Variants in ACE observed in about 807,000 individuals in gnomAD.
The protein encoded by ACE is angiotensin I converting enzyme.
ACE carries 122 observed loss-of-function variants against 162.3 expected under a neutral mutation model. The observed-to-expected ratio is 0.75, with a 90% confidence interval of 0.65 to 0.87. The LOEUF is 0.87. Among genes scored for constraint, ACE ranks in the 40% least tolerant of loss-of-function variants. The pLI is 0.00. For missense variants in ACE, 1,799 were observed against 1,735.1 expected (o/e 1.04, Z -0.65); for synonymous variants, 796 against 720.6 (o/e 1.10, Z -1.68).
intron 7 of ACE, 146 bp downstream of exon 7, chr17:63,481,884 TA>T: frequency 2.0e-6 from 2 of 977,742 alleles, no homozygotes. Context: ...GTTCCAGGGC[TA>T]GGGGGTATAG....
rs756826166 is a variant in ACE, at chr17:63,493,604, T to A, written c.3081T>A (p.Ser1027=). Reference sequence around the variant, plus strand: ...GGGACGTGCTAGCCCTCTCAGTGTCTACGCCCAAGCACCTGCACAGTCTCA... The same window carrying A: ...GGGACGTGCTAGCCCTCTCAGTGTCAACGCCCAAGCACCTGCACAGTCTCA... ...AIGDVLALSV[S]TPKHLHSLNL... is the part of the protein sequence containing the mutation. The change falls in exon 20 of 25, where the codon TCT becomes TCA. Residue 1027 remains serine, a synonymous_variant. Coordinates refer to ENST00000290866, the MANE Select transcript of ACE (RefSeq NM_000789.4). 1 of 1,614,132 alleles carries A rather than the reference T, an allele frequency of 6.2e-7. No individual in the cohort carries two copies. Among genetic ancestry groups the A allele is most frequent in the Admixed American group, 1.7e-5 (1 of 60,018 alleles).
chr17:63,493,839 C>A, intron 20 of ACE, 83 bp from the exon 21 acceptor site: 3 of 1,601,300 alleles, frequency 1.9e-6, no homozygotes, highest in Non-Finnish European at 2.6e-6. Context: ...GGTACAGCAC[C>A]CCCACCCCTC....
intron 8 of ACE, 42 bp downstream of exon 8, chr17:63,482,731 C>A (rs771417414): frequency 6.3e-7 from 1 of 1,576,248 alleles, no homozygotes; most frequent in Non-Finnish European, 8.7e-7. Flanking sequence ...CTCACCTAAA[C>A]CCCGCTCCAC....
chr17:63,477,864 G>A (rs1770386055), intron 1 of ACE, 67 bp from the exon 2 acceptor site: 2 of 1,550,396 alleles, frequency 1.3e-6, no homozygotes, highest in Non-Finnish European at 1.7e-6. Context: ...CAGCACCGTG[G>A]CTTCTCCTTT....
chr17:63,478,745 G>A (rs2147526698), intron 2 of ACE: 2 of 557,272 alleles, frequency 3.6e-6, no homozygotes, highest in South Asian at 3.7e-5. Context: ...CCTCACTGCA[G>A]GGTGGTGCCA....
intron 21 of ACE, 135 bp from the exon 22 acceptor site, chr17:63,494,237 A>G: frequency 8.0e-7 from 1 of 1,257,484 alleles, no homozygotes; most frequent in South Asian, 1.3e-5. Context: ...GTGATTGTGC[A>G]CAGAGGCCCA....
chr17:63,489,222 A>C, intron 17 of ACE, 90 bp downstream of exon 17: 1 of 1,488,452 alleles, frequency 6.7e-7, no homozygotes, highest in Non-Finnish European at 9.1e-7. Flanking sequence ...GGTAGGGAGC[A>C]GGCTGGGGAC....
chr17:63,494,541 T>C, intron 22 of ACE, 71 bp downstream of exon 22: 3 of 1,370,784 alleles, frequency 2.2e-6, no homozygotes, highest in Non-Finnish European at 3.1e-6. Flanking sequence ...CTGCGGCCAC[T>C]GCCCGGTCCA....
At chr17:63,495,803 T>A (rs2030692785) in intron 22 of ACE, among the ~76,000 whole-genome samples, 1 of 152,218 alleles carries the variant, frequency 6.6e-6, no homozygotes, top group Non-Finnish European at 1.5e-5. Context: ...AAAGCACTTT[T>A]AGGAAAGACC....
Position 63,497,383 on chromosome 17 carries a change from CG to C in ACE, c.*19del. 3 of 1,545,336 alleles carry C rather than the reference CG, an allele frequency of 1.9e-6. No homozygotes were observed. The highest frequency in any genetic ancestry group is 2.6e-6 in the Non-Finnish European group (3 of 1,145,108). ...CACTCCTGAGGTGACCCGGCTGGGT[CG>C]GCCCTGCCCAAGGGCCTCCCACCAG... On this transcript the variant is annotated 3_prime_UTR_variant, in exon 25 of 25. Coordinates refer to ENST00000290866, the MANE Select transcript of ACE (RefSeq NM_000789.4).
chr17:63,482,939 C>CA lies in ACE; in HGVS notation c.1343-89dup. ...TACCTTCTCTGCATCTCCCTGGCCT[C>CA]ACTTTCTGCTGCCCCGCCAGCCCAC... On this transcript the variant is annotated intron_variant, in intron 8 of 24. Transcript: ENST00000290866. 2.1e-6 allele frequency: 3 copies of CA among 1,408,454 alleles called. No individual in the cohort carries two copies. The South Asian group carries it at 3.5e-5, about 16-fold the overall frequency. The allele number at this position is 1,408,454 out of a possible 1,614,324, so 87.2% of individuals were successfully genotyped here.
chr17:63,488,638 C>T lies in ACE; in HGVS notation c.2306-10C>T, dbSNP rs753548513. On this transcript the variant is annotated splice_polypyrimidine_tract_variant and intron_variant, in intron 15 of 24. Transcript: ENST00000290866. The stretch of plus-strand genomic sequence containing the variant: ...AGGGCTGGAGCTCAAGGCATTCAAA[C>T]CCCTACCAGATCTGACGAATGTGAT... 4.3e-6 allele frequency: 7 copies of T among 1,612,836 alleles called. No individual in the cohort carries two copies. In the South Asian group the frequency reaches 5.5e-5, roughly 13 times the overall value.
Position 63,483,230 on chromosome 17 carries a change from C to A in ACE, c.1487+57C>A, listed in dbSNP as rs1157139185. 37 of 1,611,380 alleles carry A rather than the reference C, an allele frequency of 2.3e-5. No homozygotes were observed. The East Asian group carries it at 8.0e-4, about 35-fold the overall frequency. ...AGCTAGCCCTCCCCAGCCTCCTGGA[C>A]AGCCAGGCGCCTCCTGCCCCAGCCA... On this transcript the variant is annotated intron_variant, in intron 9 of 24. Coordinates refer to ENST00000290866, the MANE Select transcript of ACE (RefSeq NM_000789.4).
chr17:63,493,635 C>T lies in ACE; in HGVS notation c.3112C>T (p.Leu1038=), dbSNP rs773367295. ...TPKHLHSLNL[L]SSEGGSDEHD... ...CAAGCACCTGCACAGTCTCAACCTGCTGAGCAGTGAGGGTGGCAGCGACGG... is the reference window on the plus strand; with the variant it reads ...CAAGCACCTGCACAGTCTCAACCTGTTGAGCAGTGAGGGTGGCAGCGACGG... Residue 1038 remains leucine, a synonymous_variant, in exon 20 of 25, where the codon CTG becomes TTG. Coordinates refer to ENST00000290866, the MANE Select transcript of ACE (RefSeq NM_000789.4). 21 of 1,613,998 alleles carry T rather than the reference C, an allele frequency of 1.3e-5. No individual in the cohort carries two copies. In the East Asian group the frequency reaches 4.5e-4, roughly 34 times the overall value.
At chr17:63,487,390 T>G (rs2030029416) in intron 15 of ACE, among the ~76,000 whole-genome samples, 1 of 152,052 alleles carries the variant, frequency 6.6e-6, no homozygotes, top group African/African-American at 2.4e-5. Flanking sequence ...GGGCTTGGAC[T>G]CCAAATGGGG....
chr17:63,477,227 G>C lies in ACE; in HGVS notation c.133G>C (p.Gly45Arg), dbSNP rs750712925. ...QPGNFSADEA[G>R]AQLFAQSYNS... Reference sequence around the variant, plus strand: ...CGGCAACTTTTCTGCTGACGAGGCCGGGGCGCAGCTCTTCGCGCAGAGCTA... The same window carrying C: ...CGGCAACTTTTCTGCTGACGAGGCCCGGGCGCAGCTCTTCGCGCAGAGCTA... Residue 45 changes from glycine to arginine, a missense_variant, in exon 1 of 25, where the codon GGG (glycine) becomes CGG (arginine). Transcript: ENST00000290866. The C allele has an allele frequency of 5.3e-5, 80 of 1,500,390 alleles. No individual in the cohort carries two copies. The highest frequency in any genetic ancestry group is 6.6e-5 in the Non-Finnish European group (74 of 1,128,386). The allele number at this position is 1,500,390 out of a possible 1,614,324, so 92.9% of individuals were successfully genotyped here. A position where few individuals can be genotyped will look rare whatever the true frequency, so the allele number is the denominator to read the frequency against.
In ACE at chr17:63,483,431, C is replaced by T. The variant is rs761553543; in HGVS notation, c.1488-29C>T. On this transcript the variant is annotated intron_variant, in intron 9 of 24. Coordinates refer to ENST00000290866, the MANE Select transcript of ACE (RefSeq NM_000789.4). ...ATCCATCTGTTTGCAACCTCTAGGC[C>T]CTAAGACAATTTAACCATCCTTTTC... 7 of 1,592,538 alleles carry T rather than the reference C, an allele frequency of 4.4e-6. No homozygotes were observed. In the South Asian group the frequency reaches 7.7e-5, roughly 18 times the overall value.
chr17:63,484,255 G>A lies in ACE; in HGVS notation c.1710-75G>A, dbSNP rs544976113. 4.0e-6 allele frequency: 6 copies of A among 1,494,890 alleles called. No individual in the cohort carries two copies. The Admixed American group carries it at 9.7e-5, about 24-fold the overall frequency. The allele number at this position is 1,494,890 out of a possible 1,614,324, so 92.6% of individuals were successfully genotyped here. ...CCATTGGGGGGCGGAAGTGGCCAGG[G>A]GCATGTGGGCCGGGGTCCAGGAGCA... On this transcript the variant is annotated intron_variant, in intron 11 of 24. Coordinates refer to ENST00000290866, the MANE Select transcript of ACE (RefSeq NM_000789.4). This position sits in a 1 kb window ranked among gnomAD's most constrained non-coding sequence, Gnocchi z 4.0.
In ACE at chr17:63,494,359, T is replaced by C; in HGVS notation, c.3282-13T>C. ...CCCAAACTCATCTTCCAACATATAT[T>C]CCCACTCGACAGGCTGAAGTACCAG... On this transcript the variant is annotated splice_polypyrimidine_tract_variant and intron_variant, in intron 21 of 24. Coordinates refer to ENST00000290866, the MANE Select transcript of ACE (RefSeq NM_000789.4). 1 of 1,612,720 alleles carries C rather than the reference T, an allele frequency of 6.2e-7. No homozygotes were observed.
Sources: gnomAD v4.1 joint callset for allele counts (sites outside exome capture counted in the v4.1 genomes callset) on GRCh38, gnomAD v4.1.1 for gene constraint, Gnocchi (gnomAD v3.1) non-coding constraint, MANE v1.5 for transcripts, NCBI Gene and HGNC (gene_info 2026-07-23, HGNC 2026-07-21) for gene names.